The following TNRC18 variants were observed in gnomAD, a reference collection of about 807,000 sequenced individuals.
The protein encoded by TNRC18 is trinucleotide repeat containing 18.
In TNRC18, 69 loss-of-function variants were observed where a neutral mutation model predicts 226.7. The observed-to-expected ratio is 0.30, with a 90% CI of 0.25 to 0.37. The LOEUF (loss-of-function observed/expected upper bound fraction) is 0.37, where lower values mean the gene tolerates loss of function less well. Ranked by LOEUF, TNRC18 falls within the 10% of genes least tolerant of loss-of-function variation. The pLI, the probability that TNRC18 is intolerant of heterozygous loss-of-function variation, is 1.00. For missense variants in TNRC18, 4,754 were observed against 4,256.6 expected, an observed-to-expected ratio of 1.12 and a Z score of -3.25; for synonymous variants, 2,449 against 1,927.6, an observed-to-expected ratio of 1.27 and a Z score of -7.09.
intron 2 of TNRC18, among the ~76,000 whole-genome samples, chr7:5,404,664 C>T (rs1781343950): frequency 6.6e-6 from 1 of 152,078 alleles, no homozygotes; most frequent in Non-Finnish European, 1.5e-5. Context: ...CCCAAGGAAA[C>T]AGGCAGACCT....
At chr7:5,384,650 C>T (rs762138936) in intron 5 of TNRC18, among the ~76,000 whole-genome samples, 1 of 152,184 alleles carries the variant, frequency 6.6e-6, no homozygotes, top group Non-Finnish European at 1.5e-5. Context: ...GAGGATCCTT[C>T]CAGAGAAAGG....
rs543987958 is a variant in TNRC18 at position 5,366,998 on chromosome 7, G to T, written c.4219+3377C>A. Among the ~76,000 whole-genome samples the T allele has an allele frequency of 2.6e-5, 4 of 152,304 alleles. 1 individual carries two copies. Among genetic ancestry groups the T allele is most frequent in the African/African-American group, 9.6e-5 (4 of 41,572 alleles). ...TTAGGTGACCTCTGTGGGAGACAGG[G>T]CGTTTGCAGAGGTGGTCAAGTTCAA... On this transcript the variant is annotated intron_variant, in intron 11 of 29. Transcript: ENST00000430969.
intron 2 of TNRC18, among the ~76,000 whole-genome samples, chr7:5,399,089 T>A (rs57841892): frequency 2.0e-5 from 3 of 151,922 alleles, no homozygotes; most frequent in African/African-American, 7.3e-5. Context: ...ATCTCTAGAC[T>A]ATACTCCAAG....
At chr7:5,311,549 C>T (rs1253316971) in intron 27 of TNRC18, among the ~76,000 whole-genome samples, 2 of 152,196 alleles carry the variant, frequency 1.3e-5, no homozygotes. Flanking sequence ...TGTCAGGCCC[C>T]GCACCTGGAA....
chr7:5,385,918 G>C (rs1257481983), intron 5 of TNRC18, among the ~76,000 whole-genome samples: 1 of 147,674 alleles, frequency 6.8e-6, no homozygotes, highest in South Asian at 2.2e-4. Flanking sequence ...AGGAGGCGGA[G>C]GTTGCAGTGA....
chr7:5,351,912 C>T lies in TNRC18; in HGVS notation c.5377G>A (p.Ala1793Thr), dbSNP rs781724954. ...AAPRTLKPKP[A>T]TSRKQPFCLL... ...CAAAACGGCTGCTTCCTGCTGGTGG[C>T]CGGCTTGGGTTTCAGAGTCCGGGGG... Residue 1793 changes from alanine (A) to threonine (T), a missense_variant, in exon 17 of 30, where the codon GCC becomes ACC. Coordinates refer to ENST00000430969, the MANE Select transcript of TNRC18 (RefSeq NM_001080495.3). The T allele has an allele frequency of 6.2e-7, 1 of 1,613,590 alleles. No individual in the cohort carries two copies. Among genetic ancestry groups the T allele is most frequent in the South Asian group, 1.1e-5 (1 of 91,042 alleles).
At chr7:5,314,762 G>A (rs1196908017) in intron 26 of TNRC18, among the ~76,000 whole-genome samples, 1 of 151,884 alleles carries the variant, frequency 6.6e-6, no homozygotes, top group African/African-American at 2.4e-5. Flanking sequence ...TAGTAGAGAC[G>A]GAGTTTCACC....
At chr7:5,336,309 C>G (rs115378332) in intron 18 of TNRC18, among the ~76,000 whole-genome samples, 1,772 of 151,912 alleles carry the variant, frequency 0.012, 28 homozygotes, top group East Asian at 0.038. Flanking sequence ...CTGAGATGAA[C>G]CACATGTTGG....
At chr7:5,382,706 G>C (rs1275718764) in intron 5 of TNRC18, among the ~76,000 whole-genome samples, 1 of 152,090 alleles carries the variant, frequency 6.6e-6, no homozygotes, top group East Asian at 1.9e-4. Context: ...AGAGGTGATG[G>C]GCCAGTGAAG....
chr7:5,388,506 G>C lies in TNRC18; in HGVS notation c.1318C>G (p.Pro440Ala), dbSNP rs1336090085. Reference protein sequence around the residue: ...NSVIRSLKRPPPADAPTVRAT... With the variant: ...NSVIRSLKRPAPADAPTVRAT... ...CGCACCGTGGGGGCATCCGCGGGGG[G>C]CGGCCGCTTGAGCGAGCGGATGACC... Residue 440 changes from proline to alanine, a missense_variant, in exon 5 of 30, where the codon CCC (proline) becomes GCC (alanine). Coordinates refer to ENST00000430969, the MANE Select transcript of TNRC18 (RefSeq NM_001080495.3). The C allele has an allele frequency of 1.5e-6, 2 of 1,332,310 alleles. No homozygotes were observed. The highest frequency in any genetic ancestry group is 3.2e-5 in the African/African-American group (2 of 63,392). The allele number at this position is 1,332,310 out of a possible 1,614,324, so 82.5% of individuals were successfully genotyped here.
chr7:5,361,888 C>G lies in TNRC18; in HGVS notation c.4532+9G>C. On this transcript the variant is annotated intron_variant, in intron 13 of 29. Transcript: ENST00000430969. ...GGGGCCCCACGGGGCGGGCGGGGGACACACTCACTCGGAGTCCCGGCGGCG... is the reference window on the plus strand; with the variant it reads ...GGGGCCCCACGGGGCGGGCGGGGGAGACACTCACTCGGAGTCCCGGCGGCG... The G allele has an allele frequency of 6.5e-7, 1 of 1,548,344 alleles. No homozygotes were observed. The highest frequency in any genetic ancestry group is 8.7e-7 in the Non-Finnish European group (1 of 1,148,122).
At chr7:5,404,709 T>C (rs7785127) in intron 2 of TNRC18, among the ~76,000 whole-genome samples, 10,859 of 152,064 alleles carry the variant, frequency 0.071, 563 homozygotes, top group Non-Finnish European at 0.11. Context: ...CAAAATGATC[T>C]GCAGATTCCA....
At chr7:5,395,276 C>A (rs557791430) in intron 2 of TNRC18, among the ~76,000 whole-genome samples, 1 of 152,280 alleles carries the variant, frequency 6.6e-6, no homozygotes, top group East Asian at 1.9e-4. Context: ...ATGAATGGAG[C>A]GGCAGGCGTG....
chr7:5,359,325 G>A (rs530268508), intron 15 of TNRC18, 73 bp downstream of exon 15: 13 of 1,514,140 alleles, frequency 8.6e-6, no homozygotes, highest in South Asian at 2.3e-5. Context: ...TGCGAAGGGA[G>A]CGTGAACTCT....
chr7:5,324,156 T>TC lies in TNRC18; in HGVS notation c.6442+57dup. 1.3e-6 allele frequency: 2 copies of TC among 1,529,244 alleles called. No individual in the cohort carries two copies. The highest frequency in any genetic ancestry group is 1.8e-6 in the Non-Finnish European group (2 of 1,140,858). 94.7% of individuals were successfully genotyped at this position (1,529,244 alleles called of 1,614,324 possible). ...GTCTCAAGCCTTGCTCAGATCTGCC[T>TC]CCCCCAAGGGAGGCTCCAGCAGCCC... is the stretch of plus-strand genomic sequence containing the variant. On this transcript the variant is annotated intron_variant, in intron 21 of 29. Transcript: ENST00000430969. The surrounding 1 kb of genome is among the most constrained non-coding windows in gnomAD (Gnocchi z 4.8).
Position 5,377,837 on chromosome 7 carries a change from G to T in TNRC18, c.2255+85C>A. 7.3e-7 allele frequency: 1 copy of T among 1,372,612 alleles called. No individual in the cohort carries two copies. The highest frequency in any genetic ancestry group is 1.0e-6 in the Non-Finnish European group (1 of 976,596). 85.0% of individuals were successfully genotyped at this position (1,372,612 alleles called of 1,614,324 possible). ...ATAGCATCCATGGTCGAGGGGCCAA[G>T]CCCACCTGGGGTCATCCAGCTGCCC... On this transcript the variant is annotated intron_variant, in intron 6 of 29. Transcript: ENST00000430969. The surrounding 1 kb of genome is among the most constrained non-coding windows in gnomAD (Gnocchi z 5.8).
chr7:5,400,380 C>T (rs1031834326), intron 2 of TNRC18, among the ~76,000 whole-genome samples: 1 of 151,832 alleles, frequency 6.6e-6, no homozygotes, highest in African/African-American at 2.4e-5. Flanking sequence ...GAGGCAGAGG[C>T]GGGCGGATCA....
At chr7:5,385,982 CAAAAAAAAAAA>C (rs1160231238) in intron 5 of TNRC18, among the ~76,000 whole-genome samples, 1 of 41,524 alleles carries the variant, frequency 2.4e-5, no homozygotes, top group African/African-American at 8.1e-5. Flanking sequence ...AAGTCTGTCT[CAAAAAAAAAAA>C]AAAAAAAAAA....
chr7:5,383,882 T>C (rs1390989976), intron 5 of TNRC18, among the ~76,000 whole-genome samples: 1 of 150,158 alleles, frequency 6.7e-6, no homozygotes, highest in Admixed American at 6.7e-5. Context: ...AGCCTTGACC[T>C]CCTGGGCTCA....
Sources: allele counts gnomAD v4.1 joint callset (sites outside exome capture counted in the v4.1 genomes callset), GRCh38; gene constraint gnomAD v4.1.1; non-coding constraint Gnocchi (gnomAD v3.1); transcripts MANE v1.5; gene names NCBI Gene and HGNC (gene_info 2026-07-23, HGNC 2026-07-21).